The following AGBL4 variants were observed in gnomAD, a reference collection of about 807,000 sequenced individuals.
The protein encoded by AGBL4 is AGBL carboxypeptidase 4, also known as cytosolic carboxypeptidase 6.
In AGBL4, 58 loss-of-function variants were observed where a neutral mutation model predicts 66.4. That is an observed-to-expected ratio of 0.87 (90% CI 0.71 to 1.09). The LOEUF (loss-of-function observed/expected upper bound fraction) is 1.09, where lower values mean the gene tolerates loss of function less well. AGBL4 is among the 50% of genes least tolerant of loss of function. The probability of loss-of-function intolerance (pLI) is 0.00; values close to 1 mark genes in which losing one functional copy is unlikely to be tolerated. For missense variants in AGBL4, 579 were observed against 631.0 expected (o/e 0.92, Z 0.88); for synonymous variants, 234 against 222.9 (o/e 1.05, Z -0.44).
intron 3 of AGBL4, among the ~76,000 whole-genome samples, chr1:49,551,593 T>G (rs1368225184): frequency 6.6e-6 from 1 of 152,250 alleles, no homozygotes; most frequent in Non-Finnish European, 1.5e-5. Context: ...CCAGCAAGTC[T>G]ACACAGCTCT....
intron 5 of AGBL4, among the ~76,000 whole-genome samples, chr1:48,906,934 C>G (rs746864436): frequency 6.6e-6 from 1 of 152,152 alleles, no homozygotes; most frequent in Non-Finnish European, 1.5e-5. Flanking sequence ...TACATCTGAG[C>G]TGAGTTTACA....
intron 1 of AGBL4, among the ~76,000 whole-genome samples, chr1:49,897,494 T>C (rs901618998): frequency 2.2e-4 from 33 of 152,012 alleles, no homozygotes; most frequent in African/African-American, 7.0e-4. Flanking sequence ...AGTTCATGCA[T>C]TGGAAGAATC....
At chr1:49,321,443 A>C (rs947583623) in intron 3 of AGBL4, among the ~76,000 whole-genome samples, 1 of 152,222 alleles carries the variant, frequency 6.6e-6, no homozygotes, top group Admixed American at 6.5e-5. Context: ...TGCTGGTCAA[A>C]AAGTATGGAA....
intron 5 of AGBL4, among the ~76,000 whole-genome samples, chr1:48,936,510 C>T (rs910721393): frequency 3.9e-5 from 6 of 152,066 alleles, no homozygotes; most frequent in Admixed American, 3.3e-4. Context: ...CTGCAATGGG[C>T]CCTTACAGTC....
intron 10 of AGBL4, among the ~76,000 whole-genome samples, chr1:48,589,316 G>T (rs534224937): frequency 6.6e-6 from 1 of 152,256 alleles, no homozygotes; most frequent in East Asian, 1.9e-4. Flanking sequence ...ACATTCAAAA[G>T]TTCTGGGATT....
chr1:48,548,283 C>T (rs534262094), intron 11 of AGBL4, among the ~76,000 whole-genome samples: 18 of 151,868 alleles, frequency 1.2e-4, no homozygotes, highest in African/African-American at 3.1e-4. Context: ...GAGAGGCTTC[C>T]TTGAGAAGGT....
At chr1:49,856,909 C>A (rs1355717710) in intron 1 of AGBL4, among the ~76,000 whole-genome samples, 3 of 150,234 alleles carry the variant, frequency 2.0e-5, no homozygotes, top group Non-Finnish European at 4.4e-5. Flanking sequence ...AAGAGAAATC[C>A]AAATGGGAAA....
chr1:48,916,355 G>A (rs1417169935), intron 5 of AGBL4, among the ~76,000 whole-genome samples: 1 of 152,164 alleles, frequency 6.6e-6, no homozygotes, highest in African/African-American at 2.4e-5. Flanking sequence ...AGCCACAGAG[G>A]AAACATGCTC....
intron 4 of AGBL4, among the ~76,000 whole-genome samples, chr1:49,115,570 T>A (rs1202650777): frequency 6.6e-6 from 1 of 152,098 alleles, no homozygotes; most frequent in Non-Finnish European, 1.5e-5. Context: ...CGTGTACATA[T>A]GCATGTGTGT....
chr1:49,049,313 CA>C (rs1197043824), intron 4 of AGBL4, among the ~76,000 whole-genome samples: 25 of 152,100 alleles, frequency 1.6e-4, no homozygotes, highest in Admixed American at 1.5e-3. Flanking sequence ...ATGAACAAAT[CA>C]ATGTATAACT....
chr1:48,734,725 C>G (rs1190358729), intron 6 of AGBL4, among the ~76,000 whole-genome samples: 3 of 152,226 alleles, frequency 2.0e-5, no homozygotes, highest in Non-Finnish European at 4.4e-5. Context: ...ATGTCACCTC[C>G]TCAAACAGAC....
At chr1:49,874,149 T>G (rs1447650403) in intron 1 of AGBL4, among the ~76,000 whole-genome samples, 1 of 152,044 alleles carries the variant, frequency 6.6e-6, no homozygotes, top group Admixed American at 6.6e-5. Context: ...CTAGAAAAAC[T>G]GAACATCTTT....
At chr1:49,841,216 G>T (rs1398078241) in intron 2 of AGBL4, among the ~76,000 whole-genome samples, 1 of 152,056 alleles carries the variant, frequency 6.6e-6, no homozygotes, top group Non-Finnish European at 1.5e-5. Flanking sequence ...CATCCAGAAT[G>T]GGAATCAAAT....
intron 3 of AGBL4, among the ~76,000 whole-genome samples, chr1:49,324,598 G>A (rs1645193249): frequency 6.6e-6 from 1 of 152,224 alleles, no homozygotes. Flanking sequence ...TTAAAATAAA[G>A]TGAGTCCTAG....
At chr1:49,087,601 T>C (rs1450569997) in intron 4 of AGBL4, among the ~76,000 whole-genome samples, 1 of 152,014 alleles carries the variant, frequency 6.6e-6, no homozygotes, top group African/African-American at 2.4e-5. Flanking sequence ...AAGAGACAAA[T>C]CTTTAACTCA....
intron 11 of AGBL4, among the ~76,000 whole-genome samples, chr1:48,582,788 A>C (rs1314668792): frequency 6.6e-6 from 1 of 152,204 alleles, no homozygotes; most frequent in Non-Finnish European, 1.5e-5. Context: ...ACAGCCAGGT[A>C]AGCACCAACC....
chr1:49,522,357 A>C (rs1447290610), intron 3 of AGBL4, among the ~76,000 whole-genome samples: 1 of 152,098 alleles, frequency 6.6e-6, no homozygotes, highest in Non-Finnish European at 1.5e-5. Context: ...TCAAACCTTA[A>C]TAATCACTTC....
chr1:48,566,625 AT>A (rs1222902776), intron 11 of AGBL4, among the ~76,000 whole-genome samples: 1 of 152,254 alleles, frequency 6.6e-6, no homozygotes, highest in Non-Finnish European at 1.5e-5. Flanking sequence ...TGTGGAAGAG[AT>A]TAACATTTAA....
intron 3 of AGBL4, among the ~76,000 whole-genome samples, chr1:49,261,313 A>C (rs1416148213): frequency 6.6e-6 from 1 of 152,148 alleles, no homozygotes; most frequent in Non-Finnish European, 1.5e-5. Flanking sequence ...GGCCAAGGAA[A>C]TTAGGCAGGA....
Sources: allele counts gnomAD v4.1 joint callset (sites outside exome capture counted in the v4.1 genomes callset), GRCh38; gene constraint gnomAD v4.1.1; transcripts MANE v1.5; gene names NCBI Gene and HGNC (gene_info 2026-07-23, HGNC 2026-07-21).